The following NUDT22 variants were observed in gnomAD, a reference collection of about 807,000 sequenced individuals.
NUDT22 encodes the protein nudix hydrolase 22.
NUDT22 carries 23 observed loss-of-function variants against 28.8 expected under a neutral mutation model. That is an observed-to-expected ratio of 0.80 (90% CI 0.58 to 1.13). The LOEUF is 1.13. Ranked by LOEUF, NUDT22 falls within the 50% of genes most tolerant of loss-of-function variation. NUDT22 has a pLI of 0.00. For synonymous variants in NUDT22, 175 were observed against 173.7 expected (o/e 1.01, Z -0.06); for missense variants, 358 against 387.3 (o/e 0.92, Z 0.64).
Position 64,226,430 on chromosome 11 carries a change from A to G in NUDT22, c.-19+3A>G. The G allele has an allele frequency of 7.3e-7, 1 of 1,378,000 alleles. No individual in the cohort carries two copies. The allele number at this position is 1,378,000 out of a possible 1,614,324, so 85.4% of individuals were successfully genotyped here. On this transcript the variant is annotated splice_donor_region_variant and intron_variant, in intron 1 of 5. Transcript: ENST00000279206. ...CCTGAACCCAAGACCTCTGGATGGT[A>G]GGGATGCCCGGGCGTCCTGGATACC...
In NUDT22 at chr11:64,227,067, C is replaced by T. The variant is rs142889509; in HGVS notation, c.415C>T (p.Arg139Cys). 4.7e-5 allele frequency: 76 copies of T among 1,601,826 alleles called. No individual in the cohort carries two copies. Among genetic ancestry groups the T allele is most frequent in the Non-Finnish European group, 3.7e-5 (44 of 1,178,426 alleles). ...TADDFLVFLR[R>C]SRQVAEAPGL... ...CGATGACTTCCTTGTCTTCCTGCGC[C>T]GCTCCCGGCAGGTGGCTGAGGCCCC... is the stretch of plus-strand genomic sequence containing the variant. The change falls in exon 2 of 6, where the codon CGC becomes TGC. Residue 139 changes from arginine to cysteine, a missense_variant. Coordinates refer to ENST00000279206, the MANE Select transcript of NUDT22 (RefSeq NM_032344.4).
chr11:64,228,818 A>T (rs1181907947), intron 3 of NUDT22: 2 of 156,540 alleles, frequency 1.3e-5, no homozygotes, highest in Non-Finnish European at 2.8e-5. Context: ...TAAAAATACA[A>T]AAAATTAGCC....
chr11:64,227,377 G>T (rs561569849), intron 2 of NUDT22, 191 bp from the exon 3 acceptor site: 20 of 723,822 alleles, frequency 2.8e-5, no homozygotes, highest in East Asian at 1.3e-4. Flanking sequence ...CTCCACCCCT[G>T]CCCCCTGTGT....
At chr11:64,227,892 CA>C (rs1431878896) in intron 3 of NUDT22, 2 of 493,322 alleles carry the variant, frequency 4.1e-6, no homozygotes, top group Admixed American at 3.4e-5. Context: ...TTTTTTTAGA[CA>C]GAGTCTCGCT....
intron 2 of NUDT22, 165 bp from the exon 3 acceptor site, chr11:64,227,403 G>C (rs764428402): frequency 9.6e-6 from 7 of 730,898 alleles, no homozygotes; most frequent in Non-Finnish European, 1.7e-5. Flanking sequence ...CTTTGAAGCT[G>C]GACCTCTGGT....
In NUDT22 at chr11:64,227,008, A is replaced by G; in HGVS notation, c.356A>G (p.Asp119Gly). ...GGTGACACGCAGGCCTATCTGGCGG[A>G]CCCACTGGGGGTGGGCGCTGCACTA... ...DWGDTQAYLA[D>G]PLGVGAALAT... is the part of the protein sequence containing the mutation. The change falls in exon 2 of 6, where the codon GAC becomes GGC. Residue 119 changes from aspartate to glycine, a missense_variant. Physicochemically the swap from Asp to Gly is moderately conservative, Grantham distance 94. Coordinates refer to ENST00000279206, the MANE Select transcript of NUDT22 (RefSeq NM_032344.4). 6.2e-7 allele frequency: 1 copy of G among 1,602,832 alleles called. No homozygotes were observed. Among genetic ancestry groups the G allele is most frequent in the South Asian group, 1.1e-5 (1 of 91,028 alleles).
At position 64,227,020 on chromosome 11, in the gene NUDT22, T is replaced by C; in HGVS notation, c.368T>C (p.Val123Ala). The C allele has an allele frequency of 6.2e-7, 1 of 1,602,286 alleles. No homozygotes were observed. The change falls in exon 2 of 6, where the codon GTG becomes GCG. Residue 123 changes from valine (V) to alanine (A), a missense_variant. By Grantham distance (64) the Val-to-Ala change is moderately conservative. Coordinates refer to ENST00000279206, the MANE Select transcript of NUDT22 (RefSeq NM_032344.4). ...GCCTATCTGGCGGACCCACTGGGGG[T>C]GGGCGCTGCACTAGCCACAGCCGAT... is the stretch of plus-strand genomic sequence containing the variant. ...TQAYLADPLG[V>A]GAALATADDF...
Position 64,229,939 on chromosome 11 carries a change from A to G in NUDT22, c.861A>G (p.Gly287=), listed in dbSNP as rs1947145073. The change falls in exon 6 of 6, where the codon GGA becomes GGG. Residue 287 remains glycine (G), a synonymous_variant. Transcript: ENST00000279206. ...TCATCCTCTACAACCGGGTTCAGGG[A>G]AGTCCCACTGGAGCGGCCCTAGGGT... ...GAIILYNRVQ[G]SPTGAALGSP... The G allele has an allele frequency of 6.2e-7, 1 of 1,613,244 alleles. No homozygotes were observed. The highest frequency in any genetic ancestry group is 8.5e-7 in the Non-Finnish European group (1 of 1,179,996).
intron 3 of NUDT22, among the ~76,000 whole-genome samples, chr11:64,228,220 T>C (rs1947102851): frequency 6.6e-6 from 1 of 151,582 alleles, no homozygotes. Flanking sequence ...AGTCTTGCTC[T>C]GTTGCCCAGG....
chr11:64,229,945 C>T lies in NUDT22; in HGVS notation c.867C>T (p.Pro289=), dbSNP rs1220235189. Residue 289 remains proline, a synonymous_variant, in exon 6 of 6, where the codon CCC becomes CCT. Transcript: ENST00000279206. Reference sequence around the variant, plus strand: ...TCTACAACCGGGTTCAGGGAAGTCCCACTGGAGCGGCCCTAGGGTCCCCAG... The same window carrying T: ...TCTACAACCGGGTTCAGGGAAGTCCTACTGGAGCGGCCCTAGGGTCCCCAG... ...IILYNRVQGS[P]TGAALGSPAL... The T allele has an allele frequency of 6.2e-7, 1 of 1,613,242 alleles. No individual in the cohort carries two copies. Among genetic ancestry groups the T allele is most frequent in the East Asian group, 2.2e-5 (1 of 44,886 alleles).
chr11:64,230,114 C>A, downstream of NUDT22: 1 of 1,011,174 alleles, frequency 9.9e-7, no homozygotes. Flanking sequence ...AAAAAAAACC[C>A]GCCCAGCCTG....
rs767959839 is a variant in NUDT22 at position 64,229,521 on chromosome 11, G to T, written c.721G>T (p.Gly241Trp). The T allele has an allele frequency of 6.2e-7, 1 of 1,614,176 alleles. No homozygotes were observed. The highest frequency in any genetic ancestry group is 2.2e-5 in the East Asian group (1 of 44,890). Reference protein sequence around the residue: ...SEQVRKHYLSGGPEAHESTGI... With the variant: ...SEQVRKHYLSWGPEAHESTGI... ...GCAGGTGAGGAAGCACTACCTGAGT[G>T]GGGGACCCGAGGCCCACGAGTCTAC... Residue 241 changes from glycine to tryptophan, a missense_variant, in exon 5 of 6, where the codon GGG (glycine) becomes TGG (tryptophan). Coordinates refer to ENST00000279206, the MANE Select transcript of NUDT22 (RefSeq NM_032344.4).
Position 64,229,347 on chromosome 11 carries a change from G to T in NUDT22, c.677+3G>T, listed in dbSNP as rs1236547637. The T allele has an allele frequency of 8.7e-6, 14 of 1,612,772 alleles. No homozygotes were observed. Among genetic ancestry groups the T allele is most frequent in the Non-Finnish European group, 1.2e-5 (14 of 1,179,318 alleles). On this transcript the variant is annotated splice_donor_region_variant and intron_variant, in intron 4 of 5. Transcript: ENST00000279206. ...GCCAGTGCCGAGTTCTATGTCCAGT[G>T]AGTAGGCTCGGGTACATGATCCTGG...
Position 64,227,644 on chromosome 11 carries a change from T to C in NUDT22, c.557T>C (p.Val186Ala). 6.2e-7 allele frequency: 1 copy of C among 1,614,056 alleles called. No individual in the cohort carries two copies. Among genetic ancestry groups the C allele is most frequent in the South Asian group, 1.1e-5 (1 of 91,086 alleles). Residue 186 changes from valine to alanine, a missense_variant, in exon 3 of 6, where the codon GTC becomes GCC. Val to Ala is a moderately conservative substitution (Grantham distance 64, BLOSUM62 0). Coordinates refer to ENST00000279206, the MANE Select transcript of NUDT22 (RefSeq NM_032344.4). ...QLVVHELFSS[V>A]LQEICDEVNL... ...GTGGTACATGAACTCTTTTCCAGTG[T>C]CCTTCAGGAGATCTGTGATGAGGTG...
Position 64,226,664 on chromosome 11 carries a change from G to A in NUDT22, c.12G>A (p.Glu4=). 1 of 1,598,148 alleles carries A rather than the reference G, an allele frequency of 6.3e-7. No homozygotes were observed. The highest frequency in any genetic ancestry group is 1.3e-5 in the African/African-American group (1 of 74,708). ...GCCCCGTTCAGACCATGGATCCTGA[G>A]GTGACCTTGCTGCTGCAGTGCCCTG... is the stretch of plus-strand genomic sequence containing the variant. MDP[E]VTLLLQCPGG... is the part of the protein sequence containing the mutation. The change falls in exon 2 of 6, where the codon GAG becomes GAA. Residue 4 remains glutamate, a synonymous_variant. Transcript: ENST00000279206.
Position 64,227,093 on chromosome 11 carries a change from T to C in NUDT22, c.441T>C (p.Pro147=). 6.3e-7 allele frequency: 1 copy of C among 1,596,748 alleles called. No homozygotes were observed. The highest frequency in any genetic ancestry group is 8.5e-7 in the Non-Finnish European group (1 of 1,175,982). The change falls in exon 2 of 6, where the codon CCT becomes CCC. Residue 147 remains proline (P), a synonymous_variant. Coordinates refer to ENST00000279206, the MANE Select transcript of NUDT22 (RefSeq NM_032344.4). Reference sequence around the variant, plus strand: ...GCTCCCGGCAGGTGGCTGAGGCCCCTGGGCTGGTGGACGTACCTGGTGGGC... The same window carrying C: ...GCTCCCGGCAGGTGGCTGAGGCCCCCGGGCTGGTGGACGTACCTGGTGGGC... ...LRRSRQVAEA[P]GLVDVPGGHP... is the part of the protein sequence containing the mutation.
rs1284655558 is a variant in NUDT22 at position 64,227,869 on chromosome 11, TTC to T, written c.579+205_579+206del. The T allele has an allele frequency of 1.0e-5, 6 of 576,746 alleles. No individual in the cohort carries two copies. In the African/African-American group the frequency reaches 1.1e-4, roughly 11 times the overall value. 35.7% of individuals were successfully genotyped at this position (576,746 alleles called of 1,614,324 possible). Reference sequence around the variant, plus strand: ...CCTTGGATTCTTCTTCTTTTCTTTTTTCTTTCTTTTTTTTTTTTTAGACAGAG... The same window carrying T: ...CCTTGGATTCTTCTTCTTTTCTTTTTTTTCTTTTTTTTTTTTTAGACAGAG... On this transcript the variant is annotated intron_variant, in intron 3 of 5. Coordinates refer to ENST00000279206, the MANE Select transcript of NUDT22 (RefSeq NM_032344.4).
In NUDT22 at chr11:64,229,290, G is replaced by C. The variant is rs1337445737; in HGVS notation, c.623G>C (p.Gly208Ala). 1 of 1,599,620 alleles carries C rather than the reference G, an allele frequency of 6.3e-7. No homozygotes were observed. The highest frequency in any genetic ancestry group is 8.5e-7 in the Non-Finnish European group (1 of 1,172,864). Reference sequence around the variant, plus strand: ...ACCCTGAGCCAGCCCCTGCTGTTGGGCATCGCCCGAAATGAGACCAGTGCT... The same window carrying C: ...ACCCTGAGCCAGCCCCTGCTGTTGGCCATCGCCCGAAATGAGACCAGTGCT... ...LLTLSQPLLL[G>A]IARNETSAGR... The change falls in exon 4 of 6, where the codon GGC (glycine) becomes GCC (alanine). Residue 208 changes from glycine (G) to alanine (A), a missense_variant. Physicochemically the swap from Gly to Ala is moderately conservative, Grantham distance 60 (BLOSUM62 0). Transcript: ENST00000279206.
upstream of NUDT22, chr11:64,226,260 T>G: frequency 1.8e-6 from 1 of 544,362 alleles, no homozygotes. Flanking sequence ...GCACTTCCGC[T>G]TCGGGGAAGG....
Sources: gnomAD v4.1 joint callset for allele counts (sites outside exome capture counted in the v4.1 genomes callset) on GRCh38, gnomAD v4.1.1 for gene constraint, MANE v1.5 for transcripts, NCBI Gene and HGNC (gene_info 2026-07-23, HGNC 2026-07-21) for gene names.